IAPP: variants seen among roughly 807,000 people sequenced by gnomAD.
The protein encoded by IAPP is islet amyloid polypeptide.
Under a neutral mutation model 2.9 loss-of-function variants are expected in IAPP, and 4 were observed. That is an observed-to-expected ratio of 1.39 (90% CI 0.69 to 3.19). IAPP has a LOEUF of 3.19. IAPP is among the 30% of genes most tolerant of loss of function. The pLI is 0.01. For synonymous variants in IAPP, 40 were observed against 42.1 expected (o/e 0.95, Z 0.19); for missense variants, 114 against 105.3 (o/e 1.08, Z -0.36).
intron 1 of IAPP, among the ~76,000 whole-genome samples, chr12:21,365,561 C>T (rs1939308727): frequency 6.6e-6 from 1 of 152,134 alleles, no homozygotes; most frequent in East Asian, 1.9e-4. Context: ...ACTAATTGAA[C>T]TAAAGAGCTT....
At chr12:21,366,400 G>A (rs2137069334) in intron 1 of IAPP, among the ~76,000 whole-genome samples, 1 of 151,684 alleles carries the variant, frequency 6.6e-6, no homozygotes, top group East Asian at 2.0e-4. Flanking sequence ...GGCCTGCCGG[G>A]GGGTGGGCGG....
intron 1 of IAPP, among the ~76,000 whole-genome samples, chr12:21,362,542 C>T (rs918693652): frequency 5.3e-5 from 8 of 152,166 alleles, no homozygotes; most frequent in Non-Finnish European, 1.2e-4. Flanking sequence ...AAAATTCACA[C>T]ATAACAATAT....
At chr12:21,375,064 T>C (rs1940092289) in intron 2 of IAPP, among the ~76,000 whole-genome samples, 1 of 152,162 alleles carries the variant, frequency 6.6e-6, no homozygotes, top group East Asian at 1.9e-4. Context: ...GCCTTCCTCC[T>C]GCCTCAGTCT....
chr12:21,361,461 C>A (rs749545421), intron 1 of IAPP, among the ~76,000 whole-genome samples: 16 of 152,158 alleles, frequency 1.1e-4, no homozygotes, highest in Non-Finnish European at 2.2e-4. Flanking sequence ...GCTGAAAATT[C>A]TAAAAATTAG....
chr12:21,374,819 G>GTCTCTC (rs71043266), intron 2 of IAPP, among the ~76,000 whole-genome samples: 32,581 of 148,196 alleles, frequency 0.22, 3,793 homozygotes, highest in African/African-American at 0.33. Flanking sequence ...TTGAGACAGG[G>GTCTCTC]TCTCTCTCTC....
At chr12:21,373,292 A>C in intron 1 of IAPP, 45 bp from the exon 2 acceptor site, 1 of 1,110,862 alleles carries the variant, frequency 9.0e-7, no homozygotes, top group South Asian at 1.2e-5. Context: ...ATCAATTAGA[A>C]CTGTAAGAAA....
intron 2 of IAPP, 87 bp downstream of exon 2, chr12:21,373,518 T>TA: frequency 1.1e-6 from 1 of 888,768 alleles, no homozygotes. Flanking sequence ...ACTACAGCCT[T>TA]AGATTTCTGA....
At chr12:21,361,197 A>G (rs1325993615) in intron 1 of IAPP, among the ~76,000 whole-genome samples, 1 of 152,208 alleles carries the variant, frequency 6.6e-6, no homozygotes, top group African/African-American at 2.4e-5. Flanking sequence ...TTCCAGAGGA[A>G]GGATCAGACA....
chr12:21,360,673 G>A (rs539835518), intron 1 of IAPP, among the ~76,000 whole-genome samples: 155 of 152,262 alleles, frequency 1.0e-3, no homozygotes, highest in African/African-American at 3.4e-3. Flanking sequence ...CTGGAAAATC[G>A]GGACACTCCC....
chr12:21,358,300 T>C (rs1211406512), intron 1 of IAPP, among the ~76,000 whole-genome samples: 1 of 152,224 alleles, frequency 6.6e-6, no homozygotes, highest in East Asian at 1.9e-4. Context: ...AAAATAGTGT[T>C]CTTTAAGCAT....
intron 1 of IAPP, among the ~76,000 whole-genome samples, chr12:21,360,760 C>G (rs1938787548): frequency 6.6e-6 from 1 of 152,220 alleles, no homozygotes; most frequent in African/African-American, 2.4e-5. Context: ...GGCTTGGAGG[C>G]TCCCACACCC....
At chr12:21,358,592 T>C (rs924771179) in intron 1 of IAPP, among the ~76,000 whole-genome samples, 7 of 152,166 alleles carry the variant, frequency 4.6e-5, no homozygotes, top group African/African-American at 1.7e-4. Context: ...TAGATAATTT[T>C]GTGTCTTATA....
At chr12:21,375,894 G>T (rs538285606) in intron 2 of IAPP, among the ~76,000 whole-genome samples, 1 of 147,540 alleles carries the variant, frequency 6.8e-6, no homozygotes, top group African/African-American at 2.5e-5. Flanking sequence ...TACCTGTCCA[G>T]GTAGTCAATG....
chr12:21,378,359 A>G lies in IAPP; in HGVS notation c.203A>G (p.Asn68Ser). Residue 68 changes from asparagine (N) to serine (S), a missense_variant, in exon 3 of 3, where the codon AAT becomes AGT. Transcript: ENST00000240652. ...CTCTCATCTACCAACGTGGGATCCA[A>G]TACATATGGCAAGAGGAATGCAGTA... ...AILSSTNVGSNTYGKRNAVEV... is the reference protein window; with the variant it reads ...AILSSTNVGSSTYGKRNAVEV... 6.2e-7 allele frequency: 1 copy of G among 1,614,198 alleles called. No individual in the cohort carries two copies. Among genetic ancestry groups the G allele is most frequent in the Non-Finnish European group, 8.5e-7 (1 of 1,180,008 alleles).
At chr12:21,363,186 A>G (rs1422068779) in intron 1 of IAPP, among the ~76,000 whole-genome samples, 2 of 152,192 alleles carry the variant, frequency 1.3e-5, no homozygotes, top group Non-Finnish European at 2.9e-5. Context: ...AGAAATTATA[A>G]CAAACTGTCT....
At chr12:21,371,070 A>T (rs1235783343), upstream of IAPP, among the ~76,000 whole-genome samples, 1 of 152,198 alleles carries the variant, frequency 6.6e-6, no homozygotes, top group African/African-American at 2.4e-5. Context: ...TTGCAGTCAT[A>T]TTTATACCCA....
At chr12:21,368,449 T>C (rs890015909), upstream of IAPP, among the ~76,000 whole-genome samples, 2 of 148,430 alleles carry the variant, frequency 1.3e-5, no homozygotes, top group South Asian at 2.2e-4. Context: ...GTTTAGATCC[T>C]GAATCCAACA....
At chr12:21,373,688 C>T (rs999145854) in intron 2 of IAPP, 1 of 701,700 alleles carries the variant, frequency 1.4e-6, no homozygotes. Flanking sequence ...ACTCTTGGAA[C>T]TTAGAGGGGC....
chr12:21,367,641 A>G (rs1366592571), intron 1 of IAPP, among the ~76,000 whole-genome samples: 1 of 152,150 alleles, frequency 6.6e-6, no homozygotes, highest in Admixed American at 6.5e-5. Flanking sequence ...ATAAAAAAGG[A>G]AAATACTCAC....
Sources: allele counts gnomAD v4.1 joint callset (sites outside exome capture counted in the v4.1 genomes callset), GRCh38; gene constraint gnomAD v4.1.1; transcripts MANE v1.5; gene names NCBI Gene and HGNC (gene_info 2026-07-23, HGNC 2026-07-21).